The following GRID2 variants were observed in gnomAD, a reference collection of about 807,000 sequenced individuals.
GRID2 encodes the protein glutamate receptor ionotropic, delta-2.
Under a neutral mutation model 114.8 loss-of-function variants are expected in GRID2, and 33 were observed. The ratio of observed to expected loss-of-function variants is 0.29; its 90% CI spans 0.22 to 0.38. The LOEUF is 0.38. Ranked by LOEUF, GRID2 falls within the 10% of genes least tolerant of loss-of-function variation. GRID2 has a pLI of 1.00. For synonymous variants in GRID2, 505 were observed against 449.9 expected (o/e 1.12, Z -1.55); for missense variants, 1,184 against 1,257.7 (o/e 0.94, Z 0.89).
At chr4:92,921,470 T>C (rs1468600720) in intron 2 of GRID2, among the ~76,000 whole-genome samples, 1 of 152,138 alleles carries the variant, frequency 6.6e-6, no homozygotes, top group Non-Finnish European at 1.5e-5. Context: ...TTCCTCATCT[T>C]TGTGGTTTTA....
intron 4 of GRID2, among the ~76,000 whole-genome samples, chr4:93,134,356 C>A (rs1000293961): frequency 6.6e-6 from 1 of 152,072 alleles, no homozygotes. Flanking sequence ...CTTTGAATTG[C>A]GATCTGAATT....
intron 2 of GRID2, among the ~76,000 whole-genome samples, chr4:92,596,310 G>T (rs1455830680): frequency 6.6e-6 from 1 of 151,956 alleles, no homozygotes; most frequent in East Asian, 1.9e-4. Context: ...TCAAAGTCAA[G>T]GTTGTGCCTT....
At chr4:92,475,769 A>G (rs1722277182) in intron 1 of GRID2, among the ~76,000 whole-genome samples, 1 of 151,990 alleles carries the variant, frequency 6.6e-6, no homozygotes, top group African/African-American at 2.4e-5. Flanking sequence ...GGTATTATGA[A>G]TATTTTAATA....
At chr4:93,742,075 C>A (rs1415560825) in intron 14 of GRID2, among the ~76,000 whole-genome samples, 1 of 151,990 alleles carries the variant, frequency 6.6e-6, no homozygotes, top group Non-Finnish European at 1.5e-5. Context: ...TTAATCAATA[C>A]AATTAAACTT....
intron 8 of GRID2, among the ~76,000 whole-genome samples, chr4:93,330,660 G>A (rs1444851013): frequency 6.6e-6 from 1 of 152,050 alleles, no homozygotes; most frequent in South Asian, 2.1e-4. Flanking sequence ...GATCACTACT[G>A]TGAATGGGAT....
chr4:93,660,843 G>A (rs955806929), intron 14 of GRID2, among the ~76,000 whole-genome samples: 2 of 152,110 alleles, frequency 1.3e-5, no homozygotes, highest in African/African-American at 4.8e-5. Flanking sequence ...TACAAAGACA[G>A]GCCCAGATGG....
intron 2 of GRID2, among the ~76,000 whole-genome samples, chr4:93,078,483 TA>T (rs749140725): frequency 1.6e-4 from 24 of 151,348 alleles, no homozygotes; most frequent in Non-Finnish European, 3.5e-4. Context: ...AAATACATTT[TA>T]TATATATAAT....
At chr4:92,327,797 G>A (rs986091) in intron 1 of GRID2, among the ~76,000 whole-genome samples, 284 of 151,904 alleles carry the variant, frequency 1.9e-3, no homozygotes, top group African/African-American at 6.3e-3. Flanking sequence ...TTCTGAACAC[G>A]TATTCTTTGG....
intron 1 of GRID2, among the ~76,000 whole-genome samples, chr4:92,321,962 T>C (rs969470131): frequency 4.2e-4 from 64 of 152,160 alleles, no homozygotes; most frequent in African/African-American, 1.4e-3. Context: ...TACATTGCAA[T>C]AAAATTTAAA....
intron 14 of GRID2, among the ~76,000 whole-genome samples, chr4:93,741,152 T>A (rs1234579846): frequency 8.7e-6 from 1 of 115,540 alleles, no homozygotes; most frequent in East Asian, 2.8e-4. Flanking sequence ...TGATTTCACC[T>A]GAGAAACTAT....
At chr4:92,778,846 A>G (rs919174249) in intron 2 of GRID2, among the ~76,000 whole-genome samples, 1 of 152,050 alleles carries the variant, frequency 6.6e-6, no homozygotes, top group Non-Finnish European at 1.5e-5. Context: ...ATGGAAATTT[A>G]ATGCTGGTTC....
At chr4:92,383,350 A>G (rs1729709952) in intron 1 of GRID2, among the ~76,000 whole-genome samples, 1 of 152,056 alleles carries the variant, frequency 6.6e-6, no homozygotes, top group African/African-American at 2.4e-5. Context: ...CTTAGTTTCT[A>G]AGTATTGTAA....
chr4:93,411,995 C>G (rs748407115), intron 9 of GRID2, among the ~76,000 whole-genome samples: 8 of 150,856 alleles, frequency 5.3e-5, no homozygotes, highest in Non-Finnish European at 1.0e-4. Flanking sequence ...CTTCAAAATG[C>G]TATTCTTGGT....
At chr4:92,944,858 G>A (rs1437199216) in intron 2 of GRID2, among the ~76,000 whole-genome samples, 4 of 151,940 alleles carry the variant, frequency 2.6e-5, no homozygotes, top group Admixed American at 2.0e-4. Context: ...CTGTCCAAAG[G>A]GCAAACCTTA....
At chr4:93,622,897 CA>C (rs34966237) in intron 13 of GRID2, among the ~76,000 whole-genome samples, 1 of 151,842 alleles carries the variant, frequency 6.6e-6, no homozygotes, top group African/African-American at 2.4e-5. Flanking sequence ...TTTTCAGTAC[CA>C]AAAAAAGTCT....
At chr4:93,559,602 A>G (rs547503563) in intron 13 of GRID2, among the ~76,000 whole-genome samples, 25 of 152,260 alleles carry the variant, frequency 1.6e-4, no homozygotes, top group African/African-American at 5.5e-4. Context: ...AGGATGTGGA[A>G]AAATAGGAAC....
chr4:93,163,352 T>G (rs112936015), intron 4 of GRID2, among the ~76,000 whole-genome samples: 27,391 of 92,492 alleles, frequency 0.3, 3,469 homozygotes, highest in Admixed American at 0.45. Flanking sequence ...GATTTTTTTT[T>G]TGTGTATATA....
At chr4:93,198,725 CAG>C (rs1345917907) in intron 4 of GRID2, among the ~76,000 whole-genome samples, 14 of 152,126 alleles carry the variant, frequency 9.2e-5, no homozygotes, top group African/African-American at 2.6e-4. Flanking sequence ...CTTTGTCAAA[CAG>C]AGAAACTGAG....
Position 92,700,311 on chromosome 4 carries a change from C to T in GRID2, c.244+110025C>T, listed in dbSNP as rs115416504. ...GTCTCTCCTTGTCATTTGGCTAGGT[C>T]ATAGGTTGAGAAACATTGGTATCAT... On this transcript the variant is annotated intron_variant, in intron 2 of 15. Transcript: ENST00000282020. Among the ~76,000 whole-genome samples the T allele has an allele frequency of 1.4e-3, 218 of 152,308 alleles. 1 individual carries two copies. Among genetic ancestry groups the T allele is most frequent in the African/African-American group, 5.1e-3 (212 of 41,558 alleles).
Sources: gnomAD v4.1 joint callset for allele counts (sites outside exome capture counted in the v4.1 genomes callset) on GRCh38, gnomAD v4.1.1 for gene constraint, MANE v1.5 for transcripts, NCBI Gene and HGNC (gene_info 2026-07-23, HGNC 2026-07-21) for gene names.